PROS1: variants seen among roughly 807,000 people sequenced by gnomAD.
The protein encoded by PROS1 is protein S.
A neutral mutation model predicts 75.9 loss-of-function variants in PROS1; 29 were observed. The observed-to-expected ratio is 0.38, with a 90% CI of 0.28 to 0.52. The LOEUF (loss-of-function observed/expected upper bound fraction) is 0.52, where lower values mean the gene tolerates loss of function less well. Among genes scored for constraint, PROS1 ranks in the 20% least tolerant of loss-of-function variants. PROS1 has a pLI of 0.83. For synonymous variants in PROS1, 245 were observed against 280.6 expected (o/e 0.87, Z 1.27); for missense variants, 680 against 810.3 (o/e 0.84, Z 1.95).
chr3:93,950,867 G>T (rs537497855), intron 1 of PROS1, among the ~76,000 whole-genome samples: 17 of 152,228 alleles, frequency 1.1e-4, no homozygotes, highest in African/African-American at 3.9e-4. Flanking sequence ...GGCTTCAGAC[G>T]ATCAGTAACA....
At chr3:93,910,538 A>T in intron 4 of PROS1, 81 bp downstream of exon 4, 1 of 1,146,732 alleles carries the variant, frequency 8.7e-7, no homozygotes, top group Non-Finnish European at 1.3e-6. Flanking sequence ...CAATTTTTAA[A>T]CGTTAGTTTA....
chr3:93,958,620 G>A (rs1709649228), intron 1 of PROS1: 1 of 152,234 alleles, frequency 6.6e-6, no homozygotes, highest in Non-Finnish European at 1.5e-5. Flanking sequence ...ATTGCCACAT[G>A]TTGTGGGAGG....
At chr3:93,914,043 C>T (rs912616541) in intron 3 of PROS1, among the ~76,000 whole-genome samples, 2 of 152,254 alleles carry the variant, frequency 1.3e-5, no homozygotes, top group Non-Finnish European at 2.9e-5. Context: ...GGGGTAGGGG[C>T]TGAGCCCTCA....
At chr3:93,900,679 A>G in intron 7 of PROS1, 125 bp downstream of exon 7, 1 of 1,341,772 alleles carries the variant, frequency 7.5e-7, no homozygotes, top group Non-Finnish European at 1.1e-6. Flanking sequence ...ACCCAATTGA[A>G]CAAGCTATAT....
intron 14 of PROS1, among the ~76,000 whole-genome samples, chr3:93,876,588 C>CAAAAAAA (rs34147087): frequency 5.4e-4 from 19 of 34,952 alleles, no homozygotes; most frequent in Non-Finnish European, 6.9e-4. Context: ...GACTCCATCT[C>CAAAAAAA]AAAAAAAAAA....
intron 1 of PROS1, among the ~76,000 whole-genome samples, chr3:93,931,076 C>T (rs567365813): frequency 1.1e-3 from 174 of 152,284 alleles, no homozygotes; most frequent in African/African-American, 4.1e-3. Flanking sequence ...TGGTATGATA[C>T]ATAACAATGT....
chr3:93,915,478 T>C (rs1708831233), intron 3 of PROS1, among the ~76,000 whole-genome samples: 1 of 152,094 alleles, frequency 6.6e-6, no homozygotes, highest in African/African-American at 2.4e-5. Flanking sequence ...AATAAATAAA[T>C]AGATAAATAA....
In PROS1 at chr3:93,878,115, C is replaced by G. The variant is rs546973652; in HGVS notation, c.1645-924G>C. Among the ~76,000 whole-genome samples, 4 of 152,192 alleles carry G rather than the reference C, an allele frequency of 2.6e-5. No homozygotes were observed. In the South Asian group the frequency reaches 8.3e-4, roughly 32 times the overall value. On this transcript the variant is annotated intron_variant, in intron 13 of 14. Transcript: ENST00000394236. ...AGAAAGAACCACGGAGGCAAACACT[C>G]AAAGGATAAATTAAATATCAAAGAC...
chr3:93,899,285 A>G lies in PROS1; in HGVS notation c.728-716T>C, dbSNP rs181269859. ...TAATATTATGTTGAAGCAAACATCT[A>G]TCTCAGAGTTATATAAGATCATTGA... On this transcript the variant is annotated intron_variant, in intron 7 of 14. Coordinates refer to ENST00000394236, the MANE Select transcript of PROS1 (RefSeq NM_000313.4). 1.2e-4 allele frequency among the ~76,000 whole-genome samples: 19 copies of G among 152,154 alleles called. No homozygotes were observed. The East Asian group carries it at 3.5e-3, about 28-fold the overall frequency.
At chr3:93,877,541 G>A (rs944033479) in intron 13 of PROS1, among the ~76,000 whole-genome samples, 4 of 152,172 alleles carry the variant, frequency 2.6e-5, no homozygotes, top group Non-Finnish European at 5.9e-5. Context: ...AAAAGGGAAG[G>A]AGTTGAATCA....
At position 93,874,039 on chromosome 3, in the gene PROS1, A is replaced by AG; in HGVS notation, c.*205dup. On this transcript the variant is annotated 3_prime_UTR_variant, in exon 15 of 15. Transcript: ENST00000394236. ...AAAATTGTTATTTTTCACTATTCTT[A>AG]GATAGCAAGAGAAGTAAGAATTTCT... 1 of 560,122 alleles carries AG rather than the reference A, an allele frequency of 1.8e-6. No homozygotes were observed. The highest frequency in any genetic ancestry group is 1.9e-5 in the African/African-American group (1 of 52,990). 34.7% of individuals were successfully genotyped at this position (560,122 alleles called of 1,614,324 possible).
chr3:93,939,258 G>A (rs991747503), intron 1 of PROS1, among the ~76,000 whole-genome samples: 1 of 152,064 alleles, frequency 6.6e-6, no homozygotes, highest in Admixed American at 6.6e-5. Context: ...CTGACGTCCA[G>A]GCATTCTTTT....
chr3:93,902,004 A>G (rs1316964106), intron 6 of PROS1, among the ~76,000 whole-genome samples: 4 of 152,326 alleles, frequency 2.6e-5, no homozygotes, highest in South Asian at 2.1e-4. Flanking sequence ...GTCTCTACAA[A>G]GTTTTTTTTC....
At chr3:93,889,404 A>G (rs1328968265) in intron 10 of PROS1, among the ~76,000 whole-genome samples, 1 of 152,226 alleles carries the variant, frequency 6.6e-6, no homozygotes, top group Non-Finnish European at 1.5e-5. Context: ...GAATTATGAT[A>G]CATTTACAAT....
chr3:93,882,368 T>A (rs536538232), intron 12 of PROS1, among the ~76,000 whole-genome samples: 66 of 152,272 alleles, frequency 4.3e-4, no homozygotes, highest in Non-Finnish European at 8.1e-4. Context: ...CTAGGGTCAG[T>A]ATGGCAAGAT....
intron 3 of PROS1, among the ~76,000 whole-genome samples, chr3:93,916,047 G>C (rs1038558930): frequency 6.6e-6 from 1 of 152,076 alleles, no homozygotes; most frequent in Admixed American, 6.6e-5. Context: ...CTGGAGGCTG[G>C]GAAGTCCAAT....
intron 1 of PROS1, among the ~76,000 whole-genome samples, chr3:93,949,111 T>G (rs1480571978): frequency 6.6e-6 from 1 of 152,174 alleles, no homozygotes; most frequent in East Asian, 1.9e-4. Context: ...AGCAGGAGAT[T>G]CCTAGAATAC....
At chr3:93,944,662 T>C (rs1709350455) in intron 1 of PROS1, among the ~76,000 whole-genome samples, 1 of 152,192 alleles carries the variant, frequency 6.6e-6, no homozygotes, top group Non-Finnish European at 1.5e-5. Flanking sequence ...AGCAGTATAT[T>C]GGAGGGAAAT....
intron 1 of PROS1, among the ~76,000 whole-genome samples, chr3:93,929,914 T>G (rs1709080162): frequency 6.6e-6 from 1 of 152,220 alleles, no homozygotes; most frequent in Non-Finnish European, 1.5e-5. Flanking sequence ...CTGAATTTCT[T>G]TCCCTTTTCT....
Sources: allele counts gnomAD v4.1 joint callset (sites outside exome capture counted in the v4.1 genomes callset), GRCh38; gene constraint gnomAD v4.1.1; transcripts MANE v1.5; gene names NCBI Gene and HGNC (gene_info 2026-07-23, HGNC 2026-07-21).